ZNF875: variants seen among roughly 807,000 people sequenced by gnomAD.
ZNF875 encodes the protein zinc finger protein 875.
A neutral mutation model predicts 11.2 loss-of-function variants in ZNF875; 14 were observed. The ratio of observed to expected loss-of-function variants is 1.26; its 90% CI spans 0.83 to 1.96. The LOEUF is 1.96. Among genes scored for constraint, ZNF875 ranks in the 30% most tolerant of loss-of-function variants. The probability of loss-of-function intolerance (pLI) is 0.00; values close to 1 mark genes in which losing one functional copy is unlikely to be tolerated. For synonymous variants in ZNF875, 301 were observed against 281.1 expected (o/e 1.07, Z -0.71); for missense variants, 752 against 760.4 (o/e 0.99, Z 0.13).
chr19:37,331,657 C>G (rs1348888624), upstream of ZNF875, among the ~76,000 whole-genome samples: 1 of 148,300 alleles, frequency 6.7e-6, no homozygotes, highest in African/African-American at 2.5e-5. Flanking sequence ...ACTCCCTAAT[C>G]TCAAGTACCC....
At position 37,335,247 on chromosome 19, in the gene ZNF875, C is replaced by A; in HGVS notation, c.23C>A (p.Ala8Asp). 1 of 698,214 alleles carries A rather than the reference C, an allele frequency of 1.4e-6. No individual in the cohort carries two copies. Among genetic ancestry groups the A allele is most frequent in the Non-Finnish European group, 2.6e-6 (1 of 382,870 alleles). The allele number at this position is 698,214 out of a possible 1,614,324, so 43.3% of individuals were successfully genotyped here. A position where few individuals can be genotyped will look rare whatever the true frequency, so the allele number is the denominator to read the frequency against. Residue 8 changes from alanine to aspartate, a missense_variant, in exon 2 of 5, where the codon GCC (alanine) becomes GAC (aspartate). Coordinates refer to ENST00000392153, the MANE Select transcript of ZNF875 (RefSeq NM_001353803.2). MATGLLRAKKEAFVAFRD... is the reference protein window; with the variant it reads MATGLLRDKKEAFVAFRD... ...AAAATGGCCACAGGGCTCCTGAGAG[C>A]CAAAAAAGAGGTGAGAATTAACTGT...
upstream of ZNF875, among the ~76,000 whole-genome samples, chr19:37,329,764 A>C (rs183553499): frequency 1.4e-3 from 211 of 152,234 alleles, 2 homozygotes; most frequent in African/African-American, 4.7e-3. Context: ...CCTCCTCTTC[A>C]GTGGACTACA....
At chr19:37,345,379 A>G (rs764999270) in intron 2 of ZNF875, among the ~76,000 whole-genome samples, 3 of 152,218 alleles carry the variant, frequency 2.0e-5, no homozygotes, top group Non-Finnish European at 2.9e-5. Flanking sequence ...TTCATAGTCC[A>G]GCCAGTGTAG....
intron 2 of ZNF875, among the ~76,000 whole-genome samples, chr19:37,340,773 C>G (rs1483683203): frequency 6.6e-6 from 1 of 151,446 alleles, no homozygotes; most frequent in African/African-American, 2.4e-5. Flanking sequence ...CTCAGCCTCC[C>G]GAGTAGCTGG....
chr19:37,334,631 A>G (rs749617204), upstream of ZNF875: 23 of 454,928 alleles, frequency 5.1e-5, no homozygotes, highest in East Asian at 7.0e-5. Flanking sequence ...TTCAGTGTGT[A>G]GCGTTGACGT....
At chr19:37,345,118 C>T (rs748350177) in intron 2 of ZNF875, 32 of 197,860 alleles carry the variant, frequency 1.6e-4, no homozygotes, top group Non-Finnish European at 2.8e-4. Flanking sequence ...ACAACCATCA[C>T]ACTACTTTTA....
upstream of ZNF875, among the ~76,000 whole-genome samples, chr19:37,331,186 CAA>C (rs71177440): frequency 1.6e-3 from 119 of 74,772 alleles, no homozygotes; most frequent in African/African-American, 4.5e-3. Context: ...GACTCTGTCT[CAA>C]AAAAAAAAAA....
At chr19:37,322,883 A>G (rs1317744124) in intron 2 of ZNF875, among the ~76,000 whole-genome samples, 1 of 152,108 alleles carries the variant, frequency 6.6e-6, no homozygotes, top group African/African-American at 2.4e-5. Context: ...GTGAGTTTGC[A>G]CAGATGTAAT....
rs2146293320 is a variant in ZNF875 at position 37,348,006 on chromosome 19, T to C, written c.256+134T>C. On this transcript the variant is annotated intron_variant, in intron 4 of 4. Coordinates refer to ENST00000392153, the MANE Select transcript of ZNF875 (RefSeq NM_001353803.2). Reference sequence around the variant, plus strand: ...AAGAGAAACGTTGCCTGACATGGTCTTCTTTCCGGAACATAATCTTCAGTT... The same window carrying C: ...AAGAGAAACGTTGCCTGACATGGTCCTCTTTCCGGAACATAATCTTCAGTT... 4.9e-6 allele frequency: 3 copies of C among 612,118 alleles called. No homozygotes were observed. The East Asian group carries it at 8.4e-5, about 17-fold the overall frequency. 37.9% of individuals were successfully genotyped at this position (612,118 alleles called of 1,614,324 possible).
chr19:37,356,260 G>T (rs2146527721), intron 4 of ZNF875, among the ~76,000 whole-genome samples: 1 of 152,254 alleles, frequency 6.6e-6, no homozygotes. Flanking sequence ...GTGTCTTCTG[G>T]TAGAACAATT....
rs781022179 is a variant in ZNF875 at position 37,325,977 on chromosome 19, G to C, written c.-603+1712G>C. On this transcript the variant is annotated intron_variant, in intron 4 of 5. Transcript: ENST00000544914. ...ACCCACCTTGGCCTCCCAAAGTGCT[G>C]GGATTACACGCGTGAGCCACTGCAC... is the stretch of plus-strand genomic sequence containing the variant. 2.5e-4 allele frequency among the ~76,000 whole-genome samples: 38 copies of C among 152,042 alleles called. 1 individual carries two copies. The highest frequency in any genetic ancestry group is 1.0e-4 in the Non-Finnish European group (7 of 67,998).
chr19:37,336,932 C>T (rs1599976482), intron 2 of ZNF875, among the ~76,000 whole-genome samples: 1 of 151,974 alleles, frequency 6.6e-6, no homozygotes. Context: ...AATAAATATA[C>T]ATATGTTAAG....
chr19:37,315,347 G>A (rs1599837031), upstream of ZNF875: 1 of 152,284 alleles, frequency 6.6e-6, no homozygotes, highest in African/African-American at 2.4e-5. Flanking sequence ...GTTTTCACCA[G>A]TTTGTAATGT....
intron 2 of ZNF875, chr19:37,337,407 A>G (rs543074925): frequency 6.6e-6 from 1 of 152,294 alleles, no homozygotes; most frequent in Admixed American, 6.5e-5. Context: ...AAGGAAGTCA[A>G]TGGTATGTGG....
At position 37,362,257 on chromosome 19, in the gene ZNF875, T is replaced by G. The variant is rs146959165; in HGVS notation, c.405T>G (p.Tyr135Ter). The change falls in exon 5 of 5, where the codon TAT becomes TAG. Residue 135 changes from tyrosine (Y) to a stop codon, truncating the protein, a stop_gained. Coordinates refer to ENST00000392153, the MANE Select transcript of ZNF875 (RefSeq NM_001353803.2). LOFTEE classifies it low-confidence loss of function (END_TRUNC). ...ATCCTCTCCACCTGGGAAAACACTA[T>G]CCAGAAGATCAGAAACAACAGCAGG... ...AGNPLHLGKHYPEDQKQQQDP... is the reference protein window; with the variant it reads ...AGNPLHLGKH The G allele has an allele frequency of 2.0e-5, 33 of 1,614,030 alleles. No individual in the cohort carries two copies. Among genetic ancestry groups the G allele is most frequent in the East Asian group, 1.6e-4 (7 of 44,864 alleles).
In ZNF875 at chr19:37,362,527, A is replaced by T. The variant is rs1341308850; in HGVS notation, c.675A>T (p.Glu225Asp). 24 of 1,614,226 alleles carry T rather than the reference A, an allele frequency of 1.5e-5. No homozygotes were observed. The highest frequency in any genetic ancestry group is 1.9e-5 in the Non-Finnish European group (23 of 1,180,044). Residue 225 changes from glutamate to aspartate, a missense_variant, in exon 5 of 5, where the codon GAA becomes GAT. Transcript: ENST00000392153. Reference sequence around the variant, plus strand: ...GTTTAGAAGTCTCAGGATTTGGAGAAATCAAATATGAAGAGTTTGGGCCAG... The same window carrying T: ...GTTTAGAAGTCTCAGGATTTGGAGATATCAAATATGAAGAGTTTGGGCCAG... ...LHGLEVSGFGEIKYEEFGPGF... is the reference protein window; with the variant it reads ...LHGLEVSGFGDIKYEEFGPGF...
rs569934646 is a variant in ZNF875 at position 37,364,179 on chromosome 19, G to A, written c.*404G>A. On this transcript the variant is annotated 3_prime_UTR_variant, in exon 5 of 5. Transcript: ENST00000392153. The stretch of plus-strand genomic sequence containing the variant: ...CTTCCCATTTGGTGTGCTTTCCTCC[G>A]ATTGATCCCAACCCTTCACCTATTT... The A allele has an allele frequency of 3.5e-5, 7 of 197,706 alleles. No individual in the cohort carries two copies. Among genetic ancestry groups the A allele is most frequent in the East Asian group, 1.3e-4 (1 of 7,528 alleles). 12.2% of individuals were successfully genotyped at this position (197,706 alleles called of 1,614,324 possible). A position where few individuals can be genotyped will look rare whatever the true frequency, so the allele number is the denominator to read the frequency against.
rs903483237 is a variant in ZNF875, at chr19:37,342,537, C to T, written c.34-4653C>T. ...AAGCAATTCTCCTGCCTCAGCCTCC[C>T]GAGTAGCTGGGATTACAGGCATGCG... On this transcript the variant is annotated intron_variant, in intron 2 of 4. Coordinates refer to ENST00000392153, the MANE Select transcript of ZNF875 (RefSeq NM_001353803.2). Among the ~76,000 whole-genome samples, 4 of 151,944 alleles carry T rather than the reference C, an allele frequency of 2.6e-5. No individual in the cohort carries two copies. The East Asian group carries it at 5.8e-4, about 22-fold the overall frequency.
At chr19:37,359,699 G>A in intron 4 of ZNF875, 2 of 220,866 alleles carry the variant, frequency 9.1e-6, no homozygotes, top group Non-Finnish European at 1.8e-5. Flanking sequence ...ACCATGCCTG[G>A]CCCTTTTCAT....
Sources: allele counts gnomAD v4.1 joint callset (sites outside exome capture counted in the v4.1 genomes callset), GRCh38; gene constraint gnomAD v4.1.1; transcripts MANE v1.5; gene names NCBI Gene and HGNC (gene_info 2026-07-23, HGNC 2026-07-21).